Variants in KCNQ2 observed in about 807,000 individuals in gnomAD.
The protein encoded by KCNQ2 is potassium voltage-gated channel subfamily Q member 2.
KCNQ2 carries 14 observed loss-of-function variants against 84.8 expected under a neutral mutation model. The ratio of observed to expected loss-of-function variants is 0.17; its 90% CI spans 0.11 to 0.26. The LOEUF (loss-of-function observed/expected upper bound fraction) is 0.26, where lower values mean the gene tolerates loss of function less well. Among genes scored for constraint, KCNQ2 ranks in the 10% least tolerant of loss-of-function variants. The probability of loss-of-function intolerance (pLI) is 1.00; values close to 1 mark genes in which losing one functional copy is unlikely to be tolerated. For missense variants in KCNQ2, 788 were observed against 1,254.0 expected (o/e 0.63, Z 5.61); for synonymous variants, 599 against 554.1 (o/e 1.08, Z -1.14).
At chr20:63,448,253 G>A (rs1221349052) in intron 1 of KCNQ2, 4 of 152,288 alleles carry the variant, frequency 2.6e-5, no homozygotes, top group Non-Finnish European at 5.9e-5. Flanking sequence ...GTTCTGGGAT[G>A]TGAAGGGGAC....
chr20:63,454,261 A>T (rs1441750473), intron 1 of KCNQ2, among the ~76,000 whole-genome samples: 1 of 152,180 alleles, frequency 6.6e-6, no homozygotes, highest in Non-Finnish European at 1.5e-5. Flanking sequence ...TGAAGGAAGC[A>T]GCTGCCCCTC....
In KCNQ2 at chr20:63,417,914, C is replaced by T. The variant is rs570795585; in HGVS notation, c.1301+1705G>A. Among the ~76,000 whole-genome samples, 29 of 152,354 alleles carry T rather than the reference C, an allele frequency of 1.9e-4. No individual in the cohort carries two copies. In the East Asian group the frequency reaches 4.0e-3, roughly 21 times the overall value. On this transcript the variant is annotated intron_variant, in intron 12 of 16. Coordinates refer to ENST00000359125, the MANE Select transcript of KCNQ2 (RefSeq NM_172107.4). ...CGTGTACTGCCCCAGACAGAGCCGG[C>T]GGGAAGGAGCCTGCCCTGGCCTCGG...
At chr20:63,468,205 C>T (rs1221180485) in intron 1 of KCNQ2, among the ~76,000 whole-genome samples, 1 of 152,196 alleles carries the variant, frequency 6.6e-6, no homozygotes, top group South Asian at 2.1e-4. Context: ...GGCTTCTTCA[C>T]CTTTTGGGAA....
intron 10 of KCNQ2, 54 bp downstream of exon 10, chr20:63,428,313 G>GC: frequency 7.2e-7 from 1 of 1,398,224 alleles, no homozygotes; most frequent in Admixed American, 2.0e-5. Context: ...GGCAGCTGGG[G>GC]CCCCCAGGAG....
chr20:63,454,204 C>T (rs899684393), intron 1 of KCNQ2, among the ~76,000 whole-genome samples: 3 of 152,232 alleles, frequency 2.0e-5, no homozygotes, highest in African/African-American at 7.2e-5. Flanking sequence ...CCTTCCAGCT[C>T]AGCTTCCGCC....
At chr20:63,464,868 G>T (rs148312910) in intron 1 of KCNQ2, among the ~76,000 whole-genome samples, 176 of 152,198 alleles carry the variant, frequency 1.2e-3, no homozygotes, top group African/African-American at 4.1e-3. Context: ...TGGCAGGGGC[G>T]TCTCCCCCAC....
chr20:63,459,880 A>G (rs1254838462), intron 1 of KCNQ2: 1 of 151,900 alleles, frequency 6.6e-6, no homozygotes, highest in Admixed American at 6.6e-5. Flanking sequence ...TCTGAATAGG[A>G]TAGCTTTGGG....
rs1302158789 is a variant in KCNQ2, at chr20:63,415,041, C to T, written c.1387G>A (p.Val463Met). Residue 463 changes from valine (V) to methionine (M), a missense_variant, in exon 13 of 17, where the codon GTG (valine) becomes ATG (methionine). Coordinates refer to ENST00000359125, the MANE Select transcript of KCNQ2 (RefSeq NM_172107.4). ...KGKGSPQAQT[V>M]RRSPSADQSL... ...TGGTCGGCGCTGGGTGACCGCCTCA[C>T]AGTCTGGGCCTGCGGGGACCCCTTC... 1 of 1,609,096 alleles carries T rather than the reference C, an allele frequency of 6.2e-7. No individual in the cohort carries two copies. The highest frequency in any genetic ancestry group is 1.1e-5 in the South Asian group (1 of 91,086).
In KCNQ2 at chr20:63,406,693, G is replaced by A. The variant is rs753368036; in HGVS notation, c.2570C>T (p.Thr857Ile). 10 of 1,606,220 alleles carry A rather than the reference G, an allele frequency of 6.2e-6. No individual in the cohort carries two copies. The East Asian group carries it at 2.0e-4, about 32-fold the overall frequency. Residue 857 changes from threonine (T) to isoleucine (I), a missense_variant, in exon 17 of 17, where the codon ACC (threonine) becomes ATC (isoleucine). Transcript: ENST00000359125. Reference protein sequence around the residue: ...TPCGPPPRSATGEGPFGDVGW... With the variant: ...TPCGPPPRSAIGEGPFGDVGW... ...CACGTCACCAAAGGGACCCTCGCCG[G>A]TGGCCGAGCGTGGCGGGGGCCCGCA...
At chr20:63,466,208 C>T (rs2082077373) in intron 1 of KCNQ2, among the ~76,000 whole-genome samples, 2 of 152,294 alleles carry the variant, frequency 1.3e-5, no homozygotes, top group South Asian at 2.1e-4. Flanking sequence ...CCGGCATCTC[C>T]GCGGCCGGTC....
At chr20:63,471,929 C>A (rs1367223751) in intron 1 of KCNQ2, among the ~76,000 whole-genome samples, 2 of 152,190 alleles carry the variant, frequency 1.3e-5, no homozygotes, top group Non-Finnish European at 2.9e-5. Flanking sequence ...CTCTGTCCTG[C>A]GGGCCTGGAG....
rs2079793951 is a variant in KCNQ2, at chr20:63,400,801, C to T, written c.*5843G>A. ...TGGGCGCCTCAGTGCGAGACCCCTCCGTGAGACCCCTCCTGCCCTGCGCGT... is the reference window on the plus strand; with the variant it reads ...TGGGCGCCTCAGTGCGAGACCCCTCTGTGAGACCCCTCCTGCCCTGCGCGT... On this transcript the variant is annotated 3_prime_UTR_variant, in exon 17 of 17. Transcript: ENST00000359125. This position sits in a 1 kb window ranked among gnomAD's most constrained non-coding sequence, Gnocchi z 8.7. 1.5e-5 allele frequency: 6 copies of T among 398,356 alleles called. No individual in the cohort carries two copies. Among genetic ancestry groups the T allele is most frequent in the Admixed American group, 4.4e-5 (1 of 22,716 alleles). The allele number at this position is 398,356 out of a possible 1,614,324, so 24.7% of individuals were successfully genotyped here. A position where few individuals can be genotyped will look rare whatever the true frequency, so the allele number is the denominator to read the frequency against.
chr20:63,431,309 C>T (rs1374151522), intron 9 of KCNQ2, 31 bp downstream of exon 9: 5 of 1,613,172 alleles, frequency 3.1e-6, no homozygotes, highest in Non-Finnish European at 3.4e-6. Context: ...ACCACACACA[C>T]ACACAGGGCT....
rs1356061609 is a variant in KCNQ2, at chr20:63,405,495, T to G, written c.*1149A>C. 1 of 152,326 alleles carries G rather than the reference T, an allele frequency of 6.6e-6. No homozygotes were observed. Among genetic ancestry groups the G allele is most frequent in the African/African-American group, 2.4e-5 (1 of 41,404 alleles). 9.4% of individuals were successfully genotyped at this position (152,326 alleles called of 1,614,324 possible). A position where few individuals can be genotyped will look rare whatever the true frequency, so the allele number is the denominator to read the frequency against. On this transcript the variant is annotated 3_prime_UTR_variant, in exon 17 of 17. Coordinates refer to ENST00000359125, the MANE Select transcript of KCNQ2 (RefSeq NM_172107.4). ...CATCAGCTCCAGGGGGCAGGAGAGC[T>G]AGGGAGGGCGCACAGCTGGGCTGAG...
intron 15 of KCNQ2, chr20:63,410,060 C>T (rs1224019706): frequency 1.9e-5 from 5 of 257,260 alleles, no homozygotes; most frequent in Non-Finnish European, 3.1e-5. Context: ...CACAGTGCAG[C>T]TCCTCATGCT....
intron 8 of KCNQ2, 38 bp downstream of exon 8, chr20:63,433,771 G>A (rs747650079): frequency 1.9e-6 from 3 of 1,613,552 alleles, no homozygotes; most frequent in Non-Finnish European, 2.5e-6. Context: ...AATAAAAAAT[G>A]AAACAGTTGC....
At chr20:63,432,566 CTCCACCCTCAGGGAAGGA>C (rs2080848237) in intron 8 of KCNQ2, among the ~76,000 whole-genome samples, 8 of 137,760 alleles carry the variant, frequency 5.8e-5, no homozygotes, top group Non-Finnish European at 1.1e-4. Context: ...TCAGGGAAGG[CTCCACCCTCAGGGAAGGA>C]TCCACCCACA....
At chr20:63,442,851 T>TCACCAC (rs1367220510) in intron 4 of KCNQ2, among the ~76,000 whole-genome samples, 3 of 19,116 alleles carry the variant, frequency 1.6e-4, no homozygotes, top group Admixed American at 5.3e-4. Flanking sequence ...ACCATCACCA[T>TCACCAC]CACCACCACC....
At chr20:63,418,303 C>T (rs537423313) in intron 12 of KCNQ2, among the ~76,000 whole-genome samples, 6 of 152,318 alleles carry the variant, frequency 3.9e-5, no homozygotes, top group Admixed American at 6.5e-5. Context: ...CTTACGGGGC[C>T]GGGGCAGGCT....
Sources: gnomAD v4.1 joint callset for allele counts (sites outside exome capture counted in the v4.1 genomes callset) on GRCh38, gnomAD v4.1.1 for gene constraint, Gnocchi (gnomAD v3.1) non-coding constraint, MANE v1.5 for transcripts, NCBI Gene and HGNC (gene_info 2026-07-23, HGNC 2026-07-21) for gene names.